The following CDH12 variants were observed in gnomAD, a reference collection of about 807,000 sequenced individuals.
CDH12 encodes the protein cadherin 12.
A neutral mutation model predicts 74.1 loss-of-function variants in CDH12; 41 were observed. The observed-to-expected ratio is 0.55, with a 90% CI of 0.43 to 0.72. The LOEUF is 0.72. Ranked by LOEUF, CDH12 falls within the 30% of genes least tolerant of loss-of-function variation. The pLI is 0.00. For missense variants in CDH12, 945 were observed against 977.2 expected (o/e 0.97, Z 0.44); for synonymous variants, 399 against 355.0 (o/e 1.12, Z -1.39).
intron 1 of CDH12, among the ~76,000 whole-genome samples, chr5:22,566,665 C>T (rs889271047): frequency 3.3e-5 from 5 of 152,110 alleles, no homozygotes; most frequent in African/African-American, 1.2e-4. Context: ...TATTGAGAAA[C>T]AAAAATGCTG....
intron 4 of CDH12, among the ~76,000 whole-genome samples, chr5:22,171,952 T>A (rs544934907): frequency 3.3e-5 from 5 of 151,790 alleles, no homozygotes; most frequent in Non-Finnish European, 7.4e-5. Flanking sequence ...GGTGTAGGAG[T>A]GAGAAAGGTA....
intron 5 of CDH12, among the ~76,000 whole-genome samples, chr5:22,024,075 G>A (rs978163144): frequency 6.6e-5 from 10 of 152,140 alleles, no homozygotes; most frequent in African/African-American, 2.4e-4. Flanking sequence ...GGTGATTTGA[G>A]TATTGAGGTG....
intron 1 of CDH12, among the ~76,000 whole-genome samples, chr5:22,817,737 A>G (rs1159667576): frequency 1.3e-5 from 2 of 152,152 alleles, no homozygotes; most frequent in Non-Finnish European, 2.9e-5. Flanking sequence ...TAATTATTTG[A>G]CTAATAGGCA....
chr5:22,302,067 A>C (rs1012705076), intron 3 of CDH12, among the ~76,000 whole-genome samples: 35 of 152,180 alleles, frequency 2.3e-4, no homozygotes, highest in Admixed American at 9.8e-4. Flanking sequence ...TAAATACATA[A>C]AATACAAAAA....
intron 1 of CDH12, among the ~76,000 whole-genome samples, chr5:22,588,192 T>A (rs1348176642): frequency 6.6e-6 from 1 of 151,938 alleles, no homozygotes; most frequent in African/African-American, 2.4e-5. Flanking sequence ...GTTGCCAAAC[T>A]AATGTGTAGA....
intron 2 of CDH12, among the ~76,000 whole-genome samples, chr5:22,422,372 T>C (rs755559548): frequency 5.9e-5 from 9 of 152,148 alleles, no homozygotes; most frequent in Non-Finnish European, 1.0e-4. Flanking sequence ...TTAGTTCTGT[T>C]TATATTATGA....
intron 8 of CDH12, among the ~76,000 whole-genome samples, chr5:21,836,887 C>T (rs1202697010): frequency 6.6e-6 from 1 of 151,834 alleles, no homozygotes; most frequent in Non-Finnish European, 1.5e-5. Flanking sequence ...CTTCAGTTAC[C>T]GCTCTTTTAA....
chr5:22,207,231 G>GA (rs981921281), intron 4 of CDH12, among the ~76,000 whole-genome samples: 21 of 111,378 alleles, frequency 1.9e-4, no homozygotes, highest in South Asian at 1.2e-3. Context: ...AAAAAAAAAA[G>GA]AAAAAAAAAA....
intron 9 of CDH12, among the ~76,000 whole-genome samples, chr5:21,816,495 C>T (rs1352530186): frequency 6.6e-6 from 1 of 150,916 alleles, no homozygotes; most frequent in Non-Finnish European, 1.5e-5. Flanking sequence ...CGTGGTGGTG[C>T]ACATCTGTAA....
chr5:22,265,778 G>A (rs571694780), intron 3 of CDH12, among the ~76,000 whole-genome samples: 8 of 152,124 alleles, frequency 5.3e-5, no homozygotes, highest in Admixed American at 5.2e-4. Flanking sequence ...CATTCTTAAG[G>A]AGTCCTAAGA....
At chr5:22,559,537 T>C (rs750363088) in intron 1 of CDH12, among the ~76,000 whole-genome samples, 45 of 152,108 alleles carry the variant, frequency 3.0e-4, no homozygotes, top group Admixed American at 2.0e-4. Context: ...TTTCAAAAAA[T>C]ATAAATTAAT....
At chr5:22,252,203 G>T (rs1753160557) in intron 3 of CDH12, among the ~76,000 whole-genome samples, 1 of 151,280 alleles carries the variant, frequency 6.6e-6, no homozygotes. Context: ...ACTACAGAAG[G>T]GATTACTATA....
intron 2 of CDH12, among the ~76,000 whole-genome samples, chr5:22,484,725 C>T (rs915493499): frequency 6.6e-6 from 1 of 152,216 alleles, no homozygotes; most frequent in Non-Finnish European, 1.5e-5. Flanking sequence ...CATTTGCCAT[C>T]CCTCCTGGCA....
chr5:22,053,345 G>A (rs1014126646), intron 5 of CDH12, among the ~76,000 whole-genome samples: 1 of 152,102 alleles, frequency 6.6e-6, no homozygotes, highest in Admixed American at 6.6e-5. Context: ...GACATCATGA[G>A]GATGAATAAT....
At chr5:22,168,925 C>T (rs575758777) in intron 4 of CDH12, among the ~76,000 whole-genome samples, 361 of 148,674 alleles carry the variant, frequency 2.4e-3, no homozygotes, top group South Asian at 5.9e-3. Context: ...ACAATAACTA[C>T]GCTCCACTAA....
At chr5:22,095,455 A>G (rs941699410) in intron 4 of CDH12, among the ~76,000 whole-genome samples, 9 of 152,056 alleles carry the variant, frequency 5.9e-5, no homozygotes, top group African/African-American at 2.2e-4. Flanking sequence ...TTATTCACCC[A>G]TGTTTCAGAG....
chr5:21,978,483 T>A (rs1239907628), intron 5 of CDH12, among the ~76,000 whole-genome samples: 1 of 152,148 alleles, frequency 6.6e-6, no homozygotes, highest in Admixed American at 6.6e-5. Flanking sequence ...TGTAAATATA[T>A]AACTGAAAGG....
At chr5:22,664,134 C>T (rs1740488437) in intron 1 of CDH12, among the ~76,000 whole-genome samples, 1 of 152,140 alleles carries the variant, frequency 6.6e-6, no homozygotes, top group Non-Finnish European at 1.5e-5. Flanking sequence ...TTTGAATTCA[C>T]ATAATACATC....
intron 1 of CDH12, among the ~76,000 whole-genome samples, chr5:22,637,095 AC>A (rs1479696815): frequency 6.6e-6 from 1 of 152,250 alleles, no homozygotes; most frequent in East Asian, 1.9e-4. Flanking sequence ...TGCTACTCTG[AC>A]AGGCAGAAAT....
Sources: allele counts gnomAD v4.1 joint callset (sites outside exome capture counted in the v4.1 genomes callset), GRCh38; gene constraint gnomAD v4.1.1; transcripts MANE v1.5; gene names NCBI Gene and HGNC (gene_info 2026-07-23, HGNC 2026-07-21).